The following SLC25A51 variants were observed in gnomAD, a reference collection of about 807,000 sequenced individuals.
SLC25A51 encodes the protein solute carrier family 25 member 51.
Under a neutral mutation model 19.1 loss-of-function variants are expected in SLC25A51, and 11 were observed. The observed-to-expected ratio is 0.58, with a 90% CI of 0.36 to 0.96. The LOEUF is 0.96. Ranked by LOEUF, SLC25A51 falls within the 40% of genes least tolerant of loss-of-function variation. The pLI is 0.01. For missense variants in SLC25A51, 201 were observed against 365.4 expected (o/e 0.55, Z 3.67); for synonymous variants, 105 against 133.6 (o/e 0.79, Z 1.47).
At chr9:37,885,365 A>AC (rs74171534), downstream of SLC25A51, among the ~76,000 whole-genome samples, 1,271 of 151,074 alleles carry the variant, frequency 8.4e-3, 9 homozygotes, top group Middle Eastern at 0.021. Context: ...AAAAAAAAAA[A>AC]AAACCTTGTA....
intron 1 of SLC25A51, among the ~76,000 whole-genome samples, chr9:37,900,461 AAAAT>A (rs1475697526): frequency 6.6e-6 from 1 of 151,918 alleles, no homozygotes; most frequent in African/African-American, 2.4e-5. Flanking sequence ...AAAAAAAAAA[AAAAT>A]GACAGGGTCT....
At chr9:37,886,115 T>C, downstream of SLC25A51, 1 of 1,469,614 alleles carries the variant, frequency 6.8e-7, no homozygotes, top group Admixed American at 1.7e-5. Flanking sequence ...TAGTACGCGG[T>C]ACAAAGTGAG....
In SLC25A51 at chr9:37,888,031, G is replaced by T; in HGVS notation, c.520C>A (p.Arg174=). Residue 174 remains arginine (R), a synonymous_variant, in exon 3 of 3, where the codon CGA becomes AGA. Coordinates refer to ENST00000242275, the MANE Select transcript of SLC25A51 (RefSeq NM_033412.4). Reference sequence around the variant, plus strand: ...CGGAAAAGAATGGGCACCAAGCCTCGATAATACTCTCCAATTCCATGACAT... The same window carrying T: ...CGGAAAAGAATGGGCACCAAGCCTCTATAATACTCTCCAATTCCATGACAT... The part of the protein sequence containing the change: ...LKCHGIGEYY[R]GLVPILFRNG... The T allele has an allele frequency of 6.2e-7, 1 of 1,612,860 alleles. No individual in the cohort carries two copies.
chr9:37,878,534 C>T (rs1228782802), downstream of SLC25A51: 1 of 180,708 alleles, frequency 5.5e-6, no homozygotes, highest in East Asian at 1.4e-4. Flanking sequence ...GTCTAGGCAA[C>T]AGCTAATTGC....
chr9:37,885,351 A>AC (rs1564065660), downstream of SLC25A51, among the ~76,000 whole-genome samples: 18 of 151,180 alleles, frequency 1.2e-4, no homozygotes, highest in African/African-American at 4.1e-4. Flanking sequence ...ATAAAAAAAA[A>AC]AAAAAAAAAA....
chr9:37,885,366 A>AC (rs1469205529), downstream of SLC25A51, among the ~76,000 whole-genome samples: 2 of 143,494 alleles, frequency 1.4e-5, no homozygotes, highest in Non-Finnish European at 3.1e-5. Context: ...AAAAAAAAAA[A>AC]AACCTTGTAT....
chr9:37,884,587 TTCCAAAACAAAATGTTA>T (rs1471569558), downstream of SLC25A51, among the ~76,000 whole-genome samples: 1 of 152,218 alleles, frequency 6.6e-6, no homozygotes, highest in Admixed American at 6.5e-5. Flanking sequence ...ATTAATAGAC[TTCCAAAACAAAATGTTA>T]TGGAAGTGTT....
At chr9:37,883,776 A>G (rs10973594), downstream of SLC25A51, among the ~76,000 whole-genome samples, 22,121 of 152,240 alleles carry the variant, frequency 0.15, 1,691 homozygotes, top group African/African-American at 0.16. Flanking sequence ...GATGCTACTC[A>G]TATTTATTTG....
chr9:37,891,866 T>A (rs868749499), intron 2 of SLC25A51, among the ~76,000 whole-genome samples: 1,965 of 93,462 alleles, frequency 0.021, 27 homozygotes, highest in Middle Eastern at 0.04. Context: ...AAAAAAAAAA[T>A]TTTATATATA....
chr9:37,888,676 T>G, intron 2 of SLC25A51, 84 bp from the exon 3 acceptor site: 1 of 1,061,572 alleles, frequency 9.4e-7, no homozygotes, highest in Non-Finnish European at 1.4e-6. Flanking sequence ...TCCTCTAATA[T>G]CTGGACACCA....
intron 1 of SLC25A51, among the ~76,000 whole-genome samples, chr9:37,901,178 T>A (rs527808580): frequency 5.9e-4 from 88 of 150,110 alleles, no homozygotes; most frequent in South Asian, 2.1e-3. Context: ...AAAAAAAAAA[T>A]TTTTTTTTTG....
chr9:37,885,680 GGA>G (rs1831438962), downstream of SLC25A51: 6 of 1,280,982 alleles, frequency 4.7e-6, no homozygotes, highest in Non-Finnish European at 6.8e-6. Context: ...GCCCGAAACC[GGA>G]GAGAGAAGCG....
intron 2 of SLC25A51, among the ~76,000 whole-genome samples, chr9:37,892,539 A>G (rs1831615292): frequency 6.6e-6 from 1 of 151,784 alleles, no homozygotes; most frequent in African/African-American, 2.4e-5. Flanking sequence ...ATATATATAC[A>G]ATATATACAA....
At chr9:37,886,223 G>A (rs1049880510), downstream of SLC25A51, 8 of 1,590,142 alleles carry the variant, frequency 5.0e-6, no homozygotes, top group African/African-American at 1.1e-4. Flanking sequence ...AGGACGGGCT[G>A]TCTCATGGAC....
chr9:37,886,232 A>G, downstream of SLC25A51: 1 of 1,601,346 alleles, frequency 6.2e-7, no homozygotes, highest in Non-Finnish European at 8.6e-7. Flanking sequence ...TGTCTCATGG[A>G]CCTTCTCTGA....
chr9:37,885,872 G>T, downstream of SLC25A51: 4 of 1,591,936 alleles, frequency 2.5e-6, no homozygotes, highest in Non-Finnish European at 2.6e-6. Context: ...TCCTGATGAC[G>T]TGCAAACCCC....
At chr9:37,886,596 T>A (rs766371209), downstream of SLC25A51, among the ~76,000 whole-genome samples, 2 of 152,180 alleles carry the variant, frequency 1.3e-5, no homozygotes, top group African/African-American at 4.8e-5. Context: ...ACTGTTGCAC[T>A]GGAGCAAGAA....
Position 37,887,722 on chromosome 9 carries a change from G to C in SLC25A51, c.829C>G (p.His277Asp). The C allele has an allele frequency of 6.2e-7, 1 of 1,613,862 alleles. No homozygotes were observed. The highest frequency in any genetic ancestry group is 8.5e-7 in the Non-Finnish European group (1 of 1,179,828). ...ATGCCCCAAGAGATGAGGGACCGAT[G>C]GTAATTCAGATGGGCACCTCTGAAA... ...NLFRGAHLNY[H>D]RSLISWGIIN... The change falls in exon 3 of 3, where the codon CAT becomes GAT. Residue 277 changes from histidine (H) to aspartate (D), a missense_variant. Coordinates refer to ENST00000242275, the MANE Select transcript of SLC25A51 (RefSeq NM_033412.4).
intron 2 of SLC25A51, among the ~76,000 whole-genome samples, chr9:37,892,931 A>G (rs1321709643): frequency 6.6e-6 from 1 of 151,912 alleles, no homozygotes; most frequent in African/African-American, 2.4e-5. Context: ...GTAAAGACAG[A>G]TTTTTGCTGT....
Sources: gnomAD v4.1 joint callset for allele counts (sites outside exome capture counted in the v4.1 genomes callset) on GRCh38, gnomAD v4.1.1 for gene constraint, MANE v1.5 for transcripts, NCBI Gene and HGNC (gene_info 2026-07-23, HGNC 2026-07-21) for gene names.